The following FGF13 variants were observed in gnomAD, a reference collection of about 807,000 sequenced individuals.
FGF13 encodes fibroblast growth factor 13.
Under a neutral mutation model 19.5 loss-of-function variants are expected in FGF13, and 2 were observed. The observed-to-expected ratio is 0.10, with a 90% CI of 0.04 to 0.32. The LOEUF (loss-of-function observed/expected upper bound fraction) is 0.32, where lower values mean the gene tolerates loss of function less well. FGF13 is among the 10% of genes least tolerant of loss of function. FGF13 has a pLI of 1.00. For missense variants in FGF13, 113 were observed against 192.7 expected (o/e 0.59, Z 2.45); for synonymous variants, 72 against 76.9 (o/e 0.94, Z 0.33).
chrX:138,740,237 G>C (rs937972737), upstream of FGF13, among the ~76,000 whole-genome samples: 4 of 111,222 alleles, frequency 3.6e-5, no homozygotes, highest in African/African-American at 6.5e-5. Flanking sequence ...AACTGCCCTC[G>C]AGTCAGAGAG....
Position 139,033,605 on chromosome X carries a change from T to C in FGF13, c.-112-168955A>G, listed in dbSNP as rs2092239216. Among the ~76,000 whole-genome samples the C allele has an allele frequency of 2.7e-5, 3 of 112,014 alleles. No homozygotes were observed. The South Asian group carries it at 1.1e-3, about 41-fold the overall frequency. On this transcript the variant is annotated intron_variant, in intron 1 of 2. Coordinates refer to the FGF13 transcript ENST00000421460. ...TTTCAATATACTACAGGGTCTTGCT[T>C]ACAAGGCAATAATCAAAATTGTACT...
chrX:138,835,727 G>C (rs2091107948), intron 3 of FGF13, among the ~76,000 whole-genome samples: 1 of 111,907 alleles, frequency 8.9e-6, no homozygotes, highest in African/African-American at 3.3e-5. Flanking sequence ...ATGTGGTGCT[G>C]TATAATGTCA....
chrX:139,193,002 T>C (rs73634012), intron 1 of FGF13, among the ~76,000 whole-genome samples: 2 of 111,740 alleles, frequency 1.8e-5, no homozygotes, highest in East Asian at 2.8e-4. Context: ...AGATGGCACA[T>C]AGAAGGTTCA....
At chrX:138,876,154 T>A (rs1439178004) in intron 1 of FGF13, among the ~76,000 whole-genome samples, 2 of 111,657 alleles carry the variant, frequency 1.8e-5, no homozygotes, top group Non-Finnish European at 3.8e-5. Flanking sequence ...GCTGCTTTGG[T>A]TTTTCATTGT....
At chrX:138,724,669 A>G (rs888912457) in intron 1 of FGF13, among the ~76,000 whole-genome samples, 4 of 112,187 alleles carry the variant, frequency 3.6e-5, no homozygotes, top group East Asian at 2.8e-4. Flanking sequence ...TTTAGGACAC[A>G]TAAGCCATGT....
intron 1 of FGF13, among the ~76,000 whole-genome samples, chrX:139,146,562 A>G (rs1432026593): frequency 8.9e-6 from 1 of 112,103 alleles, no homozygotes; most frequent in Non-Finnish European, 1.9e-5. Context: ...ACAGTGTGGC[A>G]ATTCCTCAAG....
intron 1 of FGF13, among the ~76,000 whole-genome samples, chrX:138,892,560 A>G (rs969292231): frequency 2.7e-5 from 3 of 111,276 alleles, no homozygotes; most frequent in African/African-American, 6.6e-5. Context: ...ATTCTTAACA[A>G]TAAGTGAAGC....
At chrX:138,647,710 A>G (rs1204672752) in intron 3 of FGF13, among the ~76,000 whole-genome samples, 3 of 112,166 alleles carry the variant, frequency 2.7e-5, no homozygotes, top group African/African-American at 6.5e-5. Context: ...CAAAACATGC[A>G]ATTTAAATTT....
At chrX:138,741,619 T>G (rs1485516566), upstream of FGF13, among the ~76,000 whole-genome samples, 1 of 111,276 alleles carries the variant, frequency 9.0e-6, no homozygotes, top group Non-Finnish European at 1.9e-5. Flanking sequence ...TCAGAGTGGC[T>G]GGTCTTGGTC....
intron 1 of FGF13, among the ~76,000 whole-genome samples, chrX:139,010,302 A>G (rs1305551664): frequency 9.0e-6 from 1 of 111,613 alleles, no homozygotes; most frequent in Non-Finnish European, 1.9e-5. Flanking sequence ...TAACAAATGG[A>G]CTCAACAGAT....
At position 138,630,120 on chromosome X, in the gene FGF13, T is replaced by A. The variant is rs937392991; in HGVS notation, c.*2730A>T. 3 of 110,703 alleles carry A rather than the reference T, an allele frequency of 2.7e-5. No homozygotes were observed. The Admixed American group carries it at 2.9e-4, about 11-fold the overall frequency. The allele number at this position is 110,703 out of a possible 1,213,427, so 9.1% of individuals were successfully genotyped here. ...GGTTTGAGGACTATTTATTTACTTA[T>A]TAATTTATTTTAACACCACTGTCTG... On this transcript the variant is annotated 3_prime_UTR_variant, in exon 5 of 5. Coordinates refer to ENST00000315930, the MANE Select transcript of FGF13 (RefSeq NM_004114.5).
intron 1 of FGF13, among the ~76,000 whole-genome samples, chrX:138,868,924 G>T (rs954184231): frequency 1.8e-5 from 2 of 110,694 alleles, no homozygotes; most frequent in Non-Finnish European, 3.8e-5. Context: ...AGGCTCAGTT[G>T]ACCGCTAGGA....
Position 138,829,221 on chromosome X carries a change from A to G in FGF13, c.217+28291T>C, listed in dbSNP as rs1394021299. Among the ~76,000 whole-genome samples the G allele has an allele frequency of 5.4e-5, 6 of 111,682 alleles. No individual in the cohort carries two copies. The East Asian group carries it at 1.7e-3, about 32-fold the overall frequency. The stretch of plus-strand genomic sequence containing the variant: ...TGGGTATGGTTTGTTTGTCCCCACT[A>G]AATCTCATATTAAAATTTCATCCCC... On this transcript the variant is annotated intron_variant, in intron 3 of 6. Coordinates refer to the FGF13 transcript ENST00000436198.
At chrX:139,135,246 G>C (rs903639784) in intron 1 of FGF13, among the ~76,000 whole-genome samples, 7 of 111,331 alleles carry the variant, frequency 6.3e-5, no homozygotes, top group Non-Finnish European at 1.1e-4. Flanking sequence ...TAGTGGGAGT[G>C]AAAGAGCCTA....
At chrX:138,834,773 A>G (rs1339081870) in intron 3 of FGF13, among the ~76,000 whole-genome samples, 1 of 110,720 alleles carries the variant, frequency 9.0e-6, no homozygotes, top group Admixed American at 9.6e-5. Flanking sequence ...AGATCTTTGT[A>G]TCACTCTGAT....
At chrX:138,833,165 A>C (rs929082080) in intron 3 of FGF13, among the ~76,000 whole-genome samples, 9 of 112,025 alleles carry the variant, frequency 8.0e-5, no homozygotes, top group Non-Finnish European at 1.7e-4. Flanking sequence ...TAGGTTCCAT[A>C]TGAATTTTAA....
rs887244810 is a variant in FGF13 at position 138,908,285 on chromosome X, A to G, written c.-112-43635T>C. Among the ~76,000 whole-genome samples the G allele has an allele frequency of 1.0e-4, 11 of 106,845 alleles. No individual in the cohort carries two copies. The Admixed American group carries it at 1.1e-3, about 11-fold the overall frequency. 92.8% of individuals were successfully genotyped at this position (106,845 alleles called of 115,157 possible). A position where few individuals can be genotyped will look rare whatever the true frequency, so the allele number is the denominator to read the frequency against. On this transcript the variant is annotated intron_variant, in intron 1 of 2. Coordinates refer to the FGF13 transcript ENST00000421460. ...AGTAGAAACGGGGTTTCACCGTGTT[A>G]GCCAGGATGGTCTCGATCTCCTGAC...
chrX:139,104,178 C>CATT (rs1345720092), intron 1 of FGF13, among the ~76,000 whole-genome samples: 1 of 111,225 alleles, frequency 9.0e-6, no homozygotes, highest in African/African-American at 3.3e-5. Context: ...TCATCATTAT[C>CATT]ATTATTCATA....
chrX:138,781,653 G>C (rs1323997313), intron 3 of FGF13, among the ~76,000 whole-genome samples: 6 of 111,862 alleles, frequency 5.4e-5, no homozygotes, highest in Non-Finnish European at 1.1e-4. Context: ...ATCTGAAATT[G>C]TGGCAATAAT....
Sources: allele counts gnomAD v4.1 joint callset (sites outside exome capture counted in the v4.1 genomes callset), GRCh38; gene constraint gnomAD v4.1.1; transcripts MANE v1.5; gene names NCBI Gene and HGNC (gene_info 2026-07-23, HGNC 2026-07-21).